GRIP2: variants seen among roughly 807,000 people sequenced by gnomAD.
GRIP2 encodes the protein glutamate receptor-interacting protein 2.
A neutral mutation model predicts 108.3 loss-of-function variants in GRIP2; 58 were observed. The ratio of observed to expected loss-of-function variants is 0.54; its 90% confidence interval spans 0.43 to 0.67. The LOEUF is 0.67. GRIP2 is among the 30% of genes least tolerant of loss of function. The pLI, the probability that GRIP2 is intolerant of heterozygous loss-of-function variation, is 0.00. For missense variants in GRIP2, 1,278 were observed against 1,430.6 expected, an observed-to-expected ratio of 0.89 and a Z score of 1.72; for synonymous variants, 586 against 598.2, an observed-to-expected ratio of 0.98 and a Z score of 0.30.
At chr3:14,597,682 T>C in the GRIP2 span, among the ~76,000 whole-genome samples, 1 of 152,338 alleles carries the variant, frequency 6.6e-6, no homozygotes, top group South Asian at 2.1e-4. Context: ...AATTAGAGTG[T>C]AGATTCCTTG....
intron 1 of GRIP2, among the ~76,000 whole-genome samples, chr3:14,529,085 A>C (rs539346725): frequency 6.6e-6 from 1 of 150,640 alleles, no homozygotes; most frequent in South Asian, 2.1e-4. Context: ...CCTGGCTAAC[A>C]CAGTGAAACC....
chr3:14,524,597 A>T, intron 3 of GRIP2, 59 bp from the exon 4 acceptor site: 2 of 1,504,484 alleles, frequency 1.3e-6, no homozygotes, highest in Non-Finnish European at 1.8e-6. Flanking sequence ...CAGTCCTGGC[A>T]TTCACACCCA....
At chr3:14,551,617 G>A (rs1222575075) in intron 1 of GRIP2, among the ~76,000 whole-genome samples, 3 of 152,176 alleles carry the variant, frequency 2.0e-5, no homozygotes, top group Admixed American at 6.5e-5. Context: ...CCCGGGACAG[G>A]AGAAGCACAG....
the GRIP2 span, among the ~76,000 whole-genome samples, chr3:14,591,050 C>T: frequency 2.0e-5 from 3 of 152,318 alleles, no homozygotes; most frequent in East Asian, 1.9e-4. Flanking sequence ...TCCACATGTG[C>T]ACCTCACACA....
At chr3:14,533,972 C>T in intron 1 of GRIP2, among the ~76,000 whole-genome samples, 1 of 152,136 alleles carries the variant, frequency 6.6e-6, no homozygotes, top group East Asian at 1.9e-4. Flanking sequence ...CTTCCCTAGG[C>T]ATCTCAGGGT....
chr3:14,517,094 T>G lies in GRIP2; in HGVS notation c.1276A>C (p.Arg426=). 1 of 1,601,734 alleles carries G rather than the reference T, an allele frequency of 6.2e-7. No individual in the cohort carries two copies. Among genetic ancestry groups the G allele is most frequent in the Middle Eastern group, 1.7e-4 (1 of 6,022 alleles). ...CTCTTGTGTTCCCTTCTTCGCTGCCTCCTCCGCCCCATTGTAGTTCGAGGA... is the reference window on the plus strand; with the variant it reads ...CTCTTGTGTTCCCTTCTTCGCTGCCGCCTCCGCCCCATTGTAGTTCGAGGA... The part of the protein sequence containing the change: ...MSPRTTMGRR[R]QRRREHKSSL... The change falls in exon 11 of 24, where the codon AGG becomes CGG. Residue 426 remains arginine, a synonymous_variant. Transcript: ENST00000621039.
chr3:14,595,502 C>T, the GRIP2 span, among the ~76,000 whole-genome samples: 2 of 152,226 alleles, frequency 1.3e-5, no homozygotes, highest in African/African-American at 4.8e-5. Context: ...ACAGCATCCC[C>T]TTGGGACAGA....
intron 1 of GRIP2, among the ~76,000 whole-genome samples, chr3:14,553,074 C>A (rs1695178026): frequency 6.6e-6 from 1 of 151,294 alleles, no homozygotes; most frequent in African/African-American, 2.4e-5. Flanking sequence ...GGTCTTGAGG[C>A]AGATCTTTCA....
chr3:14,550,590 C>T, intron 1 of GRIP2, among the ~76,000 whole-genome samples: 1 of 152,214 alleles, frequency 6.6e-6, no homozygotes, highest in Non-Finnish European at 1.5e-5. Flanking sequence ...GCTGGATGAC[C>T]TTGGGCAAAA....
At chr3:14,560,309 A>G (rs1332013681), upstream of GRIP2, among the ~76,000 whole-genome samples, 1 of 152,186 alleles carries the variant, frequency 6.6e-6, no homozygotes, top group Non-Finnish European at 1.5e-5. Context: ...TATACAGTAT[A>G]CAGTCAATAT....
In GRIP2 at chr3:14,512,283, G is replaced by A. The variant is rs192099384; in HGVS notation, c.1720+494C>T. On this transcript the variant is annotated intron_variant, in intron 14 of 23. Transcript: ENST00000621039. The surrounding 1 kb of genome is among the most constrained non-coding windows in gnomAD (Gnocchi z 5.1). Reference sequence around the variant, plus strand: ...ACAGAGGGCCTCACTGGGGCCCGAGGCCCTCAGCTTTTACTCAGAATAAGA... The same window carrying A: ...ACAGAGGGCCTCACTGGGGCCCGAGACCCTCAGCTTTTACTCAGAATAAGA... Among the ~76,000 whole-genome samples the A allele has an allele frequency of 1.9e-4, 29 of 152,294 alleles. No individual in the cohort carries two copies. Among genetic ancestry groups the A allele is most frequent in the Admixed American group, 1.5e-3 (23 of 15,304 alleles).
upstream of GRIP2, among the ~76,000 whole-genome samples, chr3:14,541,409 G>A (rs141165969): frequency 2.6e-5 from 4 of 152,324 alleles, no homozygotes; most frequent in South Asian, 4.1e-4. Context: ...GGGAACACAC[G>A]AGCCTCATAT....
upstream of GRIP2, chr3:14,542,160 TTA>T (rs1491044623): frequency 4.3e-4 from 435 of 1,007,886 alleles, no homozygotes; most frequent in Non-Finnish European, 5.4e-4. Flanking sequence ...TTTATTTTTT[TTA>T]TTTTTTTTTG....
the GRIP2 span, among the ~76,000 whole-genome samples, chr3:14,581,074 T>C: frequency 2.0e-5 from 3 of 152,280 alleles, no homozygotes; most frequent in South Asian, 6.2e-4. Context: ...ATAGACATGA[T>C]AGATGGATGG....
At chr3:14,504,590 G>A (rs551573836) in intron 20 of GRIP2, among the ~76,000 whole-genome samples, 4 of 152,286 alleles carry the variant, frequency 2.6e-5, no homozygotes, top group East Asian at 1.9e-4. Flanking sequence ...GATTACAGGC[G>A]TGAGCCACTG....
At chr3:14,518,138 G>A (rs1310221723) in intron 9 of GRIP2, among the ~76,000 whole-genome samples, 1 of 152,260 alleles carries the variant, frequency 6.6e-6, no homozygotes, top group East Asian at 1.9e-4. Flanking sequence ...GCCAGGCCGA[G>A]GCCCACTGCT....
chr3:14,602,530 C>G, the GRIP2 span, among the ~76,000 whole-genome samples: 1 of 151,794 alleles, frequency 6.6e-6, no homozygotes, highest in Non-Finnish European at 1.5e-5. This position sits in a 1 kb window ranked among gnomAD's most constrained non-coding sequence, Gnocchi z 4.7. Context: ...CTGGAGGGAG[C>G]AGGTGAGGCA....
chr3:14,545,954 A>C (rs1695051699), upstream of GRIP2, among the ~76,000 whole-genome samples: 1 of 152,228 alleles, frequency 6.6e-6, no homozygotes, highest in Non-Finnish European at 1.5e-5. Flanking sequence ...CAAGAAAGAC[A>C]GACAGACGGA....
rs925251180 is a variant in GRIP2, at chr3:14,492,185, C to T, written c.*1480G>A. 2 of 152,470 alleles carry T rather than the reference C, an allele frequency of 1.3e-5. No homozygotes were observed. The highest frequency in any genetic ancestry group is 4.8e-5 in the African/African-American group (2 of 41,468). 9.4% of individuals were successfully genotyped at this position (152,470 alleles called of 1,614,324 possible). ...GTCCAACCCAGACAGGGTCACACAG[C>T]AAACAGGTAACAGACCCAGGGTGAA... is the stretch of plus-strand genomic sequence containing the variant. On this transcript the variant is annotated 3_prime_UTR_variant, in exon 24 of 24. Transcript: ENST00000621039.
Sources: allele counts gnomAD v4.1 joint callset (sites outside exome capture counted in the v4.1 genomes callset), GRCh38; gene constraint gnomAD v4.1.1; non-coding constraint Gnocchi (gnomAD v3.1); transcripts MANE v1.5; gene names NCBI Gene and HGNC (gene_info 2026-07-23, HGNC 2026-07-21).